The following USP42 variants were observed in gnomAD, a reference collection of about 807,000 sequenced individuals.
USP42 encodes the protein ubiquitin carboxyl-terminal hydrolase 42.
In USP42, 23 loss-of-function variants were observed where a neutral mutation model predicts 113.0. That is an observed-to-expected ratio of 0.20 (90% CI 0.15 to 0.29). The LOEUF (loss-of-function observed/expected upper bound fraction) is 0.29, where lower values mean the gene tolerates loss of function less well. Among genes scored for constraint, USP42 ranks in the 10% least tolerant of loss-of-function variants. The pLI is 1.00. For missense variants in USP42, 2,174 were observed against 1,779.8 expected (o/e 1.22, Z -3.99); for synonymous variants, 933 against 699.0 (o/e 1.33, Z -5.28).
intron 15 of USP42, 67 bp from the exon 16 acceptor site, chr7:6,156,687 A>G (rs1358122842): frequency 4.1e-6 from 6 of 1,464,746 alleles, no homozygotes; most frequent in Admixed American, 2.8e-5. Flanking sequence ...GGAAAGGCCA[A>G]GCTCCAGGGT....
chr7:6,136,027 C>CA (rs1781126687), intron 4 of USP42, 76 bp downstream of exon 4: 1 of 843,918 alleles, frequency 1.2e-6, no homozygotes, highest in Non-Finnish European at 1.7e-6. Context: ...TTTTTCGAGA[C>CA]AGAGTCTTGC....
At chr7:6,115,786 T>C (rs1779878618) in intron 3 of USP42, among the ~76,000 whole-genome samples, 1 of 152,100 alleles carries the variant, frequency 6.6e-6, no homozygotes. Flanking sequence ...GTTGGTTTTC[T>C]ACACTTACTA....
the USP42 span, chr7:6,093,107 C>T: frequency 1.8e-4 from 27 of 150,312 alleles, no homozygotes; most frequent in Non-Finnish European, 2.6e-4. Context: ...TCTGAGTAAA[C>T]GGAAGGTACT....
chr7:6,133,780 G>A (rs1210423681), intron 3 of USP42, among the ~76,000 whole-genome samples: 2 of 152,072 alleles, frequency 1.3e-5, no homozygotes, highest in African/African-American at 2.4e-5. Context: ...TCAGCCTCCC[G>A]AAGCACTGGG....
Position 6,156,891 on chromosome 7 carries a change from G to C in USP42, c.3779G>C (p.Arg1260Thr). Reference sequence around the variant, plus strand: ...AAAGATTCAGAACTGCACTTACCCAGGGTCACCAGCTTGGAGACTGTCGCC... The same window carrying C: ...AAAGATTCAGAACTGCACTTACCCACGGTCACCAGCTTGGAGACTGTCGCC... The part of the protein sequence containing the change: ...FVKDSELHLP[R>T]VTSLETVAQF... Residue 1260 changes from arginine (R) to threonine (T), a missense_variant, in exon 16 of 18, where the codon AGG becomes ACG. Coordinates refer to ENST00000306177, the MANE Select transcript of USP42 (RefSeq NM_032172.3). The C allele has an allele frequency of 1.9e-6, 3 of 1,613,686 alleles. No individual in the cohort carries two copies. The highest frequency in any genetic ancestry group is 2.5e-6 in the Non-Finnish European group (3 of 1,179,818).
At chr7:6,147,487 G>T (rs192203714) in intron 11 of USP42, among the ~76,000 whole-genome samples, 2 of 152,174 alleles carry the variant, frequency 1.3e-5, no homozygotes, top group African/African-American at 4.8e-5. Context: ...ATACCTTTCA[G>T]ATGAAACAGC....
chr7:6,141,810 G>T (rs965062919), intron 7 of USP42, among the ~76,000 whole-genome samples: 9 of 152,220 alleles, frequency 5.9e-5, no homozygotes, highest in Non-Finnish European at 1.2e-4. Flanking sequence ...TGATAAAAAT[G>T]AGTAACGTTG....
chr7:6,139,740 C>A lies in USP42; in HGVS notation c.657-388C>A. Reference sequence around the variant, plus strand: ...TGCCCTGGCACCGCCCTGTCTAGGACTTCATTGTCCGGGTGATGACATACT... The same window carrying A: ...TGCCCTGGCACCGCCCTGTCTAGGAATTCATTGTCCGGGTGATGACATACT... On this transcript the variant is annotated intron_variant, in intron 5 of 17. Transcript: ENST00000306177. This position sits in a 1 kb window ranked among gnomAD's most constrained non-coding sequence, Gnocchi z 4.5. The A allele has an allele frequency of 3.2e-6, 1 of 315,366 alleles. No homozygotes were observed. The highest frequency in any genetic ancestry group is 6.0e-6 in the Non-Finnish European group (1 of 165,698). 19.5% of individuals were successfully genotyped at this position (315,366 alleles called of 1,614,324 possible).
the USP42 span, chr7:6,081,607 C>T: frequency 6.6e-6 from 1 of 152,426 alleles, no homozygotes; most frequent in Non-Finnish European, 1.5e-5. Flanking sequence ...TCCGACTGGG[C>T]AGGCGGGGCA....
At chr7:6,106,074 A>G in intron 1 of USP42, among the ~76,000 whole-genome samples, 1 of 152,244 alleles carries the variant, frequency 6.6e-6, no homozygotes, top group Non-Finnish European at 1.5e-5. Context: ...TTTGTCACTC[A>G]TTCAAATTGC....
intron 10 of USP42, 145 bp from the exon 11 acceptor site, chr7:6,146,003 G>T (rs1781697473): frequency 1.5e-5 from 10 of 686,724 alleles, no homozygotes; most frequent in Non-Finnish European, 2.4e-5. Context: ...CCAGGAGGTG[G>T]AGATTGCAAG....
chr7:6,109,453 C>T (rs28727438), intron 1 of USP42, among the ~76,000 whole-genome samples: 25,929 of 152,092 alleles, frequency 0.17, 3,715 homozygotes, highest in East Asian at 0.72. Context: ...AGTGCAGTGG[C>T]ATGATCTCGG....
the USP42 span, among the ~76,000 whole-genome samples, chr7:6,088,078 T>C: frequency 6.6e-5 from 10 of 150,794 alleles, no homozygotes; most frequent in Non-Finnish European, 8.8e-5. Context: ...GGCAGGAGGA[T>C]TGCTTGAGGC....
rs1306215467 is a variant in USP42 at position 6,139,105 on chromosome 7, C to G, written c.567C>G (p.His189Gln). ...VINEMRRIAR[H>Q]FRFGNQEDAH... ...GAAATTTTACAGGTATAGCTAGGCA[C>G]TTCCGTTTTGGAAACCAAGAAGATG... Residue 189 changes from histidine (H) to glutamine (Q), a missense_variant, in exon 5 of 18, where the codon CAC becomes CAG. Physicochemically the swap from His to Gln is conservative, Grantham distance 24 (BLOSUM62 0). Coordinates refer to ENST00000306177, the MANE Select transcript of USP42 (RefSeq NM_032172.3). This position sits in a 1 kb window ranked among gnomAD's most constrained non-coding sequence, Gnocchi z 4.5. 5.6e-6 allele frequency: 9 copies of G among 1,607,858 alleles called. No homozygotes were observed. The highest frequency in any genetic ancestry group is 1.1e-5 in the South Asian group (1 of 89,522).
At chr7:6,112,431 C>T (rs1466542638) in intron 2 of USP42, among the ~76,000 whole-genome samples, 1 of 151,156 alleles carries the variant, frequency 6.6e-6, no homozygotes, top group Non-Finnish European at 1.5e-5. Context: ...GCCTGGGCAA[C>T]AGAGTGAGAC....
chr7:6,126,292 T>C (rs1331297405), intron 3 of USP42, among the ~76,000 whole-genome samples: 1 of 151,728 alleles, frequency 6.6e-6, no homozygotes, highest in Non-Finnish European at 1.5e-5. Flanking sequence ...CAGTTTCTTT[T>C]TTTTTTTTTT....
Position 6,154,522 on chromosome 7 carries a change from C to G in USP42, c.2968C>G (p.Arg990Gly). ...CCGCACCTGCCCCCGGGAGCGCGAC[C>G]GCCAGGACCGCCACGCCCCGGAGCA... ...RRRTCPRERD[R>G]QDRHAPEHHP... Residue 990 changes from arginine to glycine, a missense_variant, in exon 15 of 18, where the codon CGC (arginine) becomes GGC (glycine). Coordinates refer to ENST00000306177, the MANE Select transcript of USP42 (RefSeq NM_032172.3). 1 of 1,541,542 alleles carries G rather than the reference C, an allele frequency of 6.5e-7. No homozygotes were observed. Among genetic ancestry groups the G allele is most frequent in the Non-Finnish European group, 8.7e-7 (1 of 1,144,018 alleles).
At chr7:6,106,464 T>C (rs924384507) in intron 1 of USP42, among the ~76,000 whole-genome samples, 1 of 152,176 alleles carries the variant, frequency 6.6e-6, no homozygotes, top group African/African-American at 2.4e-5. Flanking sequence ...ACATACCATA[T>C]AAGAGACTGG....
chr7:6,113,889 G>C (rs1441110187), intron 2 of USP42, among the ~76,000 whole-genome samples: 1 of 149,702 alleles, frequency 6.7e-6, no homozygotes, highest in Non-Finnish European at 1.5e-5. Flanking sequence ...CCAAAGTGCT[G>C]GGATTACAGG....
Sources: gnomAD v4.1 joint callset for allele counts (sites outside exome capture counted in the v4.1 genomes callset) on GRCh38, gnomAD v4.1.1 for gene constraint, Gnocchi (gnomAD v3.1) non-coding constraint, MANE v1.5 for transcripts, NCBI Gene and HGNC (gene_info 2026-07-23, HGNC 2026-07-21) for gene names.